The following TOX3 variants were observed in gnomAD, a reference collection of about 807,000 sequenced individuals.
TOX3 encodes the protein TOX high mobility group box family member 3.
Under a neutral mutation model 64.3 loss-of-function variants are expected in TOX3, and 22 were observed. The ratio of observed to expected loss-of-function variants is 0.34; its 90% CI spans 0.24 to 0.49. The LOEUF (loss-of-function observed/expected upper bound fraction) is 0.49. Among genes scored for constraint, TOX3 ranks in the 20% least tolerant of loss-of-function variants. The pLI is 0.99. For missense variants in TOX3, 661 were observed against 714.4 expected (o/e 0.93, Z 0.85); for synonymous variants, 291 against 273.6 (o/e 1.06, Z -0.63).
At chr16:52,514,739 C>T (rs367859680) in intron 1 of TOX3, among the ~76,000 whole-genome samples, 6 of 152,100 alleles carry the variant, frequency 3.9e-5, no homozygotes, top group East Asian at 3.9e-4. Context: ...GGGCCAGGTG[C>T]GGTGGCTTAG....
chr16:52,488,375 C>A (rs1053919270), intron 1 of TOX3, among the ~76,000 whole-genome samples: 4 of 152,182 alleles, frequency 2.6e-5, no homozygotes, highest in African/African-American at 9.6e-5. Flanking sequence ...CTTTTTATGA[C>A]ACAGCTTGTG....
chr16:52,492,190 G>C (rs1961705379), intron 1 of TOX3, among the ~76,000 whole-genome samples: 1 of 147,146 alleles, frequency 6.8e-6, no homozygotes, highest in Admixed American at 6.9e-5. Flanking sequence ...TGTGTTATTG[G>C]TCATTTTTCA....
At chr16:52,501,599 T>G (rs1203229073) in intron 1 of TOX3, among the ~76,000 whole-genome samples, 1 of 151,250 alleles carries the variant, frequency 6.6e-6, no homozygotes, top group Non-Finnish European at 1.5e-5. Flanking sequence ...GGCGGAGGTT[T>G]CAGTGAGTCG....
chr16:52,525,064 T>G (rs1962698232), intron 1 of TOX3, among the ~76,000 whole-genome samples: 1 of 152,214 alleles, frequency 6.6e-6, no homozygotes, highest in African/African-American at 2.4e-5. Context: ...TTTGTTGCTT[T>G]TTAAAAAATA....
chr16:52,518,858 T>C (rs1398673648), intron 1 of TOX3, among the ~76,000 whole-genome samples: 1 of 152,240 alleles, frequency 6.6e-6, no homozygotes, highest in African/African-American at 2.4e-5. Context: ...TGTAGCTGGA[T>C]ATGTTTCTGA....
chr16:52,536,796 T>G (rs561074762), intron 1 of TOX3, among the ~76,000 whole-genome samples: 5 of 150,248 alleles, frequency 3.3e-5, no homozygotes, highest in Admixed American at 2.0e-4. Context: ...TTTTTAAGAG[T>G]CAAGGTCTTG....
rs756458360 is a variant in TOX3 at position 52,439,400 on chromosome 16, AGCTGCTGCAGCTGGAGGC to A, written c.1538_1555del (p.Arg513_Gln518del). On this transcript the variant is annotated inframe_deletion, in exon 7 of 7. Transcript: ENST00000219746. ...CTGAGACTGGTGCTGCATGTGTTGC[AGCTGCTGCAGCTGGAGGC>A]GCTGCTGCAGCTGCTGCTGCAGCTG... The A allele has an allele frequency of 2.5e-6, 4 of 1,585,528 alleles. No homozygotes were observed. Among genetic ancestry groups the A allele is most frequent in the Non-Finnish European group, 3.4e-6 (4 of 1,165,042 alleles).
chr16:52,474,882 C>T lies in TOX3; in HGVS notation c.88-6308G>A, dbSNP rs150112977. On this transcript the variant is annotated intron_variant, in intron 1 of 6. Transcript: ENST00000219746. ...TGCCCCATTTCTTCTTACCTTTTGG[C>T]CATCGTCCTTCCCCTTTCTCACACT... Among the ~76,000 whole-genome samples, 1,313 of 152,200 alleles carry T rather than the reference C, an allele frequency of 8.6e-3. 23 individuals are homozygous for T. The highest frequency in any genetic ancestry group is 0.046 in the Admixed American group (702 of 15,296).
At chr16:52,531,988 A>G (rs1374875546) in intron 1 of TOX3, among the ~76,000 whole-genome samples, 1 of 152,216 alleles carries the variant, frequency 6.6e-6, no homozygotes, top group Non-Finnish European at 1.5e-5. Context: ...ACGGCACTGA[A>G]AAAAACAGAA....
At chr16:52,516,158 G>T (rs1327184751) in intron 1 of TOX3, among the ~76,000 whole-genome samples, 4 of 152,112 alleles carry the variant, frequency 2.6e-5, no homozygotes, top group African/African-American at 9.7e-5. Flanking sequence ...AAATGGTAAT[G>T]AATATTAATA....
chr16:52,462,170 C>T (rs1960710687), intron 3 of TOX3, among the ~76,000 whole-genome samples: 1 of 152,058 alleles, frequency 6.6e-6, no homozygotes, highest in African/African-American at 2.4e-5. Flanking sequence ...ATGACAACAG[C>T]CTGCACTTAG....
rs1963214821 is a variant in TOX3, at chr16:52,547,085, G to A, written c.-362C>T. 5.2e-6 allele frequency: 2 copies of A among 384,102 alleles called. No homozygotes were observed. Among genetic ancestry groups the A allele is most frequent in the Non-Finnish European group, 3.5e-6 (1 of 282,584 alleles). The allele number at this position is 384,102 out of a possible 1,614,324, so 23.8% of individuals were successfully genotyped here. On this transcript the variant is annotated 5_prime_UTR_variant, in exon 1 of 7. Coordinates refer to ENST00000219746, the MANE Select transcript of TOX3 (RefSeq NM_001080430.4). ...AGGCTGGGACGGCGGCGGCGGCGGCGGCTGGCCCCGCTCCTCCTCCTCCTC... is the reference window on the plus strand; with the variant it reads ...AGGCTGGGACGGCGGCGGCGGCGGCAGCTGGCCCCGCTCCTCCTCCTCCTC...
chr16:52,506,272 CAT>C (rs1962160515), intron 1 of TOX3, among the ~76,000 whole-genome samples: 1 of 152,202 alleles, frequency 6.6e-6, no homozygotes, highest in African/African-American at 2.4e-5. Flanking sequence ...TCTTTATACA[CAT>C]GTCCAAAGGT....
chr16:52,439,793 A>G lies in TOX3; in HGVS notation c.1163T>C (p.Leu388Ser), dbSNP rs1959897360. 2.5e-6 allele frequency: 4 copies of G among 1,613,914 alleles called. No individual in the cohort carries two copies. Among genetic ancestry groups the G allele is most frequent in the Non-Finnish European group, 3.4e-6 (4 of 1,179,866 alleles). Reference sequence around the variant, plus strand: ...CTGGTTCATGGGGAGTCTCATGGTTAAGGGTTTGGGAGCGATTGACCTAGG... The same window carrying G: ...CTGGTTCATGGGGAGTCTCATGGTTGAGGGTTTGGGAGCGATTGACCTAGG... The part of the protein sequence containing the change: ...SLPRSIAPKP[L>S]TMRLPMNQIV... The change falls in exon 7 of 7, where the codon TTA becomes TCA. Residue 388 changes from leucine to serine, a missense_variant. Physicochemically the swap from Leu to Ser is moderately radical, Grantham distance 145 (BLOSUM62 -2). Transcript: ENST00000219746.
intron 1 of TOX3, among the ~76,000 whole-genome samples, chr16:52,542,129 T>C (rs1207176325): frequency 6.6e-6 from 1 of 152,202 alleles, no homozygotes; most frequent in Non-Finnish European, 1.5e-5. Context: ...AGATCAATAG[T>C]GCTTAGAGCT....
chr16:52,459,479 C>T (rs1312973025), intron 3 of TOX3, among the ~76,000 whole-genome samples: 1 of 152,094 alleles, frequency 6.6e-6, no homozygotes, highest in African/African-American at 2.4e-5. Flanking sequence ...TAAGTTGTGA[C>T]CTTTACATTG....
At chr16:52,451,235 G>T (rs1356981849) in intron 3 of TOX3, among the ~76,000 whole-genome samples, 1 of 152,126 alleles carries the variant, frequency 6.6e-6, no homozygotes, top group Non-Finnish European at 1.5e-5. Context: ...TTTTGGATTG[G>T]ATATCACTTT....
At position 52,436,419 on chromosome 16, in the gene TOX3, T is replaced by C. The variant is rs894377359; in HGVS notation, c.*2806A>G. On this transcript the variant is annotated 3_prime_UTR_variant, in exon 7 of 7. Coordinates refer to ENST00000219746, the MANE Select transcript of TOX3 (RefSeq NM_001080430.4). ...TCAGATACCACATTTCTCATGTCTA[T>C]TTTTCATTATCCTGATTTATTTCTG... Among the ~76,000 whole-genome samples the C allele has an allele frequency of 2.6e-5, 4 of 152,060 alleles. No homozygotes were observed. The highest frequency in any genetic ancestry group is 6.6e-5 in the Admixed American group (1 of 15,264).
rs753844963 is a variant in TOX3 at position 52,439,852 on chromosome 16, C to CACT, written c.1101_1103dup (p.Val368dup). ...GCTGGAGAGTCTGAGGTGATGCTGA[C>CACT]ACTGTTCCATGTTGAGACAGTGGAG... On this transcript the variant is annotated inframe_insertion, in exon 7 of 7. Coordinates refer to ENST00000219746, the MANE Select transcript of TOX3 (RefSeq NM_001080430.4). 155 of 1,613,842 alleles carry CACT rather than the reference C, an allele frequency of 9.6e-5. 2 individuals carry two copies. The East Asian group carries it at 3.4e-3, about 35-fold the overall frequency.
Sources: gnomAD v4.1 joint callset for allele counts (sites outside exome capture counted in the v4.1 genomes callset) on GRCh38, gnomAD v4.1.1 for gene constraint, MANE v1.5 for transcripts, NCBI Gene and HGNC (gene_info 2026-07-23, HGNC 2026-07-21) for gene names.